The following NNT variants were observed in gnomAD, a reference collection of about 807,000 sequenced individuals.
The protein encoded by NNT is nicotinamide nucleotide transhydrogenase, also known as NAD(P) transhydrogenase, mitochondrial.
A neutral mutation model predicts 104.8 loss-of-function variants in NNT; 50 were observed. The ratio of observed to expected loss-of-function variants is 0.48; its 90% CI spans 0.38 to 0.60. NNT has a LOEUF of 0.60. Among genes scored for constraint, NNT ranks in the 20% least tolerant of loss-of-function variants. NNT has a pLI of 0.00. For synonymous variants in NNT, 461 were observed against 490.4 expected (o/e 0.94, Z 0.79); for missense variants, 1,131 against 1,330.7 (o/e 0.85, Z 2.33).
At chr5:43,637,052 C>T (rs1024239663) in intron 7 of NNT, among the ~76,000 whole-genome samples, 1 of 152,140 alleles carries the variant, frequency 6.6e-6, no homozygotes, top group Non-Finnish European at 1.5e-5. Context: ...TGTCTGGTTC[C>T]TTATACAAAT....
chr5:43,661,725 A>G (rs1283860258), intron 17 of NNT, among the ~76,000 whole-genome samples: 2 of 151,712 alleles, frequency 1.3e-5, no homozygotes, highest in Non-Finnish European at 2.9e-5. Flanking sequence ...CCATGTCCCT[A>G]CGAAGGACAT....
intron 17 of NNT, among the ~76,000 whole-genome samples, chr5:43,668,960 C>G (rs1740877987): frequency 2.0e-5 from 3 of 152,146 alleles, no homozygotes; most frequent in Non-Finnish European, 2.9e-5. Context: ...TTTCGTTGAG[C>G]ACTGGTTTGT....
intron 19 of NNT, 102 bp downstream of exon 19, chr5:43,677,908 G>A: frequency 4.6e-6 from 4 of 868,368 alleles, no homozygotes; most frequent in African/African-American, 1.7e-5. Context: ...TTAGGGCACT[G>A]ACCCGCCCAT....
At position 43,603,276 on chromosome 5, in the gene NNT, T is replaced by C. The variant is rs1561254804; in HGVS notation, c.-72T>C. On this transcript the variant is annotated 5_prime_UTR_variant, in exon 1 of 22. Coordinates refer to ENST00000344920, the MANE Select transcript of NNT (RefSeq NM_182977.3). ...CGGCCCTCAGGGCACAGCCCAAGGC[T>C]GTCAGCCTCCCGGCCCAGGTGAGCG... The C allele has an allele frequency of 1.3e-5, 2 of 152,430 alleles. No homozygotes were observed. The highest frequency in any genetic ancestry group is 2.4e-5 in the African/African-American group (1 of 41,466). The allele number at this position is 152,430 out of a possible 1,614,324, so 9.4% of individuals were successfully genotyped here.
rs1742850170 is a variant in NNT, at chr5:43,701,512, C to T, written c.2996-1109C>T. ...ATGGACATCTAGGTTGATTCCATGT[C>T]TTTGCTATTGTGAATAGTGCTGTGA... On this transcript the variant is annotated intron_variant, in intron 20 of 21. Transcript: ENST00000344920. 2.0e-5 allele frequency among the ~76,000 whole-genome samples: 3 copies of T among 151,890 alleles called. No homozygotes were observed. In the South Asian group the frequency reaches 6.2e-4, roughly 32 times the overall value.
chr5:43,608,488 A>G (rs1175119559), intron 1 of NNT, among the ~76,000 whole-genome samples: 1 of 152,238 alleles, frequency 6.6e-6, no homozygotes, highest in Non-Finnish European at 1.5e-5. Flanking sequence ...CCTATTTGAT[A>G]AAGATACTAT....
chr5:43,610,313 T>A (rs752915124), intron 2 of NNT, among the ~76,000 whole-genome samples: 21 of 149,608 alleles, frequency 1.4e-4, no homozygotes, highest in Non-Finnish European at 3.0e-4. Flanking sequence ...CCAAGTCAAC[T>A]CTCTTTCATC....
At chr5:43,626,736 T>TTA (rs910910109) in intron 6 of NNT, among the ~76,000 whole-genome samples, 5 of 150,788 alleles carry the variant, frequency 3.3e-5, no homozygotes, top group African/African-American at 9.7e-5. Flanking sequence ...CTTATAGAAA[T>TTA]TATATATATA....
At chr5:43,689,174 T>A (rs1742135537) in intron 19 of NNT, among the ~76,000 whole-genome samples, 1 of 152,194 alleles carries the variant, frequency 6.6e-6, no homozygotes, top group South Asian at 2.1e-4. Context: ...GTCGGACATT[T>A]GTATATCTTC....
chr5:43,652,915 T>A, intron 13 of NNT, 103 bp from the exon 14 acceptor site: 1 of 817,870 alleles, frequency 1.2e-6, no homozygotes, highest in South Asian at 2.2e-5. Context: ...AATATAAGTA[T>A]TTAATATGTT....
intron 19 of NNT, among the ~76,000 whole-genome samples, chr5:43,695,339 C>A (rs10512834): frequency 0.079 from 12,034 of 152,170 alleles, 887 homozygotes; most frequent in African/African-American, 0.19. Flanking sequence ...GGCTTGCCAA[C>A]AGTTCTTGTG....
intron 14 of NNT, 91 bp from the exon 15 acceptor site, chr5:43,655,749 A>C: frequency 1.2e-6 from 1 of 863,696 alleles, no homozygotes. Context: ...TTTATTTGTG[A>C]CAATGGTGGA....
At chr5:43,655,259 A>C (rs554989851) in intron 14 of NNT, among the ~76,000 whole-genome samples, 65 of 152,308 alleles carry the variant, frequency 4.3e-4, no homozygotes, top group African/African-American at 1.5e-3. Context: ...TGTGACGGGA[A>C]GAGGCACGCA....
chr5:43,673,514 G>T (rs954084411), intron 17 of NNT, among the ~76,000 whole-genome samples: 3 of 152,062 alleles, frequency 2.0e-5, no homozygotes, highest in Admixed American at 6.5e-5. Context: ...CAATTTTAAG[G>T]GCAAAAATTT....
At chr5:43,604,662 C>T (rs1749110630) in intron 1 of NNT, among the ~76,000 whole-genome samples, 1 of 152,098 alleles carries the variant, frequency 6.6e-6, no homozygotes, top group Admixed American at 6.5e-5. Flanking sequence ...CTGGCAACAA[C>T]CCTGAGAGGT....
intron 18 of NNT, 94 bp from the exon 19 acceptor site, chr5:43,677,631 G>T: frequency 9.3e-7 from 1 of 1,079,160 alleles, no homozygotes. Context: ...GCCTCTGTTG[G>T]CATAAACATG....
intron 19 of NNT, among the ~76,000 whole-genome samples, chr5:43,678,194 G>A (rs144882312): frequency 9.6e-4 from 146 of 152,294 alleles, no homozygotes; most frequent in South Asian, 1.5e-3. Context: ...AGGAGGAAGA[G>A]GAGTTGTTGG....
chr5:43,609,296 G>A lies in NNT; in HGVS notation c.101G>A (p.Arg34Gln), dbSNP rs201228453. 7 of 1,613,822 alleles carry A rather than the reference G, an allele frequency of 4.3e-6. No individual in the cohort carries two copies. The highest frequency in any genetic ancestry group is 5.9e-6 in the Non-Finnish European group (7 of 1,179,936). ...CTACGTGTGAAGAAGGATTTTTTAC[G>A]AACATTTTATACTCACCAAGAACTG... ...KGLRVKKDFLRTFYTHQELWC... is the reference protein window; with the variant it reads ...KGLRVKKDFLQTFYTHQELWC... Residue 34 changes from arginine (R) to glutamine (Q), a missense_variant, in exon 2 of 22, where the codon CGA (arginine) becomes CAA (glutamine). Arg to Gln is a conservative substitution (Grantham distance 43, BLOSUM62 1). Transcript: ENST00000344920.
At chr5:43,627,388 G>T (rs1750428234) in intron 6 of NNT, among the ~76,000 whole-genome samples, 1 of 152,164 alleles carries the variant, frequency 6.6e-6, no homozygotes, top group Non-Finnish European at 1.5e-5. Context: ...AAATAATATA[G>T]TGTCTGGCCT....
Sources: gnomAD v4.1 joint callset for allele counts (sites outside exome capture counted in the v4.1 genomes callset) on GRCh38, gnomAD v4.1.1 for gene constraint, MANE v1.5 for transcripts, NCBI Gene and HGNC (gene_info 2026-07-23, HGNC 2026-07-21) for gene names.